Variants in CDH13 observed in about 807,000 individuals in gnomAD.
CDH13 encodes the protein cadherin-13.
Under a neutral mutation model 63.8 loss-of-function variants are expected in CDH13, and 24 were observed. That is an observed-to-expected ratio of 0.38 (90% CI 0.27 to 0.53). The LOEUF is 0.53. Ranked by LOEUF, CDH13 falls within the 20% of genes least tolerant of loss-of-function variation. The pLI is 0.85. For missense variants in CDH13, 1,049 were observed against 903.1 expected, an observed-to-expected ratio of 1.16 and a Z score of -2.07; for synonymous variants, 503 against 355.3, an observed-to-expected ratio of 1.42 and a Z score of -4.67.
At chr16:83,305,256 A>G (rs1196146587) in intron 5 of CDH13, among the ~76,000 whole-genome samples, 7 of 152,136 alleles carry the variant, frequency 4.6e-5, no homozygotes, top group Non-Finnish European at 8.8e-5. Flanking sequence ...ACTTCACTTT[A>G]CTTAAGCATG....
Position 83,561,657 on chromosome 16 carries a change from AT to A in CDH13, c.961-40793del, listed in dbSNP as rs2075711544. Reference sequence around the variant, plus strand: ...AATGATCTTAAGCAGAATTTCCTTCATTTTCTTATTTCCAAAATTATACTAC... The same window carrying A: ...AATGATCTTAAGCAGAATTTCCTTCATTTCTTATTTCCAAAATTATACTAC... On this transcript the variant is annotated intron_variant, in intron 7 of 13. Transcript: ENST00000567109. Among the ~76,000 whole-genome samples the A allele has an allele frequency of 2.0e-5, 3 of 152,282 alleles. No individual in the cohort carries two copies. In the East Asian group the frequency reaches 5.8e-4, roughly 29 times the overall value.
At chr16:82,982,170 T>C (rs981661119) in intron 2 of CDH13, among the ~76,000 whole-genome samples, 12 of 152,190 alleles carry the variant, frequency 7.9e-5, no homozygotes, top group Non-Finnish European at 1.3e-4. Context: ...AATAATGCTT[T>C]GTAGGAAGGT....
intron 3 of CDH13, among the ~76,000 whole-genome samples, chr16:83,045,594 G>A (rs1441020778): frequency 1.1e-4 from 15 of 138,900 alleles, no homozygotes; most frequent in South Asian, 2.3e-4. Context: ...CCAAGATCAC[G>A]CCACTGCAGT....
At chr16:83,750,768 C>T (rs1392877995) in intron 11 of CDH13, among the ~76,000 whole-genome samples, 5 of 152,130 alleles carry the variant, frequency 3.3e-5, no homozygotes, top group African/African-American at 4.8e-5. Flanking sequence ...CCTCACATCC[C>T]TCAGCAGGAA....
At chr16:83,078,883 C>T (rs576855943) in intron 3 of CDH13, among the ~76,000 whole-genome samples, 2 of 152,296 alleles carry the variant, frequency 1.3e-5, no homozygotes, top group Admixed American at 6.5e-5. Flanking sequence ...CAACCTCCGC[C>T]TCCCAGGTTC....
chr16:83,662,460 G>A (rs900246149), intron 8 of CDH13, among the ~76,000 whole-genome samples: 1 of 152,178 alleles, frequency 6.6e-6, no homozygotes, highest in African/African-American at 2.4e-5. Flanking sequence ...TTCTTAAAAA[G>A]AATCTCTGTG....
intron 7 of CDH13, among the ~76,000 whole-genome samples, chr16:83,578,041 A>G (rs1905212175): frequency 1.3e-5 from 2 of 152,354 alleles, no homozygotes; most frequent in South Asian, 4.1e-4. Context: ...ATGTCATTAA[A>G]TATTCCCCTA....
rs869202510 is a variant in CDH13, at chr16:83,602,107, C to CAAAAA, written c.961-315_961-311dup. Among the ~76,000 whole-genome samples, 7 of 7,954 alleles carry CAAAAA rather than the reference C, an allele frequency of 8.8e-4. 2 individuals are homozygous for CAAAAA. The highest frequency in any genetic ancestry group is 1.3e-3 in the Non-Finnish European group (7 of 5,366). 5.2% of individuals were successfully genotyped at this position (7,954 alleles called of 152,430 possible). A position where few individuals can be genotyped will look rare whatever the true frequency, so the allele number is the denominator to read the frequency against. ...CAAAAAAAAAAAAAAAGAACAACAA[C>CAAAAA]AAAAAAAAAAAAAAAAAAAAAAAAA... On this transcript the variant is annotated intron_variant, in intron 7 of 13. Transcript: ENST00000567109.
chr16:82,750,517 T>C (rs892351892), intron 1 of CDH13, among the ~76,000 whole-genome samples: 1 of 152,232 alleles, frequency 6.6e-6, no homozygotes, highest in Non-Finnish European at 1.5e-5. Context: ...TGAATGTTAG[T>C]ACCAGACTAA....
At chr16:82,627,362 G>GTGTT (rs1907436610) in intron 1 of CDH13, among the ~76,000 whole-genome samples, 1 of 151,852 alleles carries the variant, frequency 6.6e-6, no homozygotes, top group African/African-American at 2.4e-5. Flanking sequence ...GTGTGTGTGT[G>GTGTT]TGTGTGTGTG....
intron 3 of CDH13, among the ~76,000 whole-genome samples, chr16:83,123,169 T>C (rs1046723178): frequency 6.6e-6 from 1 of 152,132 alleles, no homozygotes; most frequent in Admixed American, 6.6e-5. Context: ...TATGTGTGTG[T>C]GTATATATGT....
chr16:83,717,542 G>T (rs1481584145), intron 10 of CDH13, among the ~76,000 whole-genome samples: 1 of 152,242 alleles, frequency 6.6e-6, no homozygotes, highest in African/African-American at 2.4e-5. Flanking sequence ...AACAGGTAGT[G>T]ACATGAAATG....
At chr16:82,669,419 G>A (rs1912978687) in intron 1 of CDH13, among the ~76,000 whole-genome samples, 1 of 152,194 alleles carries the variant, frequency 6.6e-6, no homozygotes, top group Non-Finnish European at 1.5e-5. Context: ...AGAGAAAATA[G>A]TGGGTCTTTT....
intron 5 of CDH13, among the ~76,000 whole-genome samples, chr16:83,274,419 C>G (rs951825943): frequency 6.6e-6 from 1 of 152,162 alleles, no homozygotes; most frequent in Non-Finnish European, 1.5e-5. Flanking sequence ...TGATCCCTTG[C>G]CTCCCTCACC....
intron 1 of CDH13, among the ~76,000 whole-genome samples, chr16:82,798,099 T>G (rs113976591): frequency 2.6e-5 from 4 of 152,324 alleles, no homozygotes; most frequent in African/African-American, 9.6e-5. Context: ...CAATTGCAGA[T>G]GCAGTGTCTG....
intron 7 of CDH13, among the ~76,000 whole-genome samples, chr16:83,523,662 C>T (rs114860620): frequency 5.4e-4 from 83 of 152,314 alleles, no homozygotes; most frequent in African/African-American, 1.9e-3. Flanking sequence ...AGTTCCCTGG[C>T]AGCTGGCTTG....
intron 4 of CDH13, 121 bp from the exon 5 acceptor site, chr16:83,217,224 T>C: frequency 1.1e-6 from 1 of 892,442 alleles, no homozygotes; most frequent in Non-Finnish European, 1.8e-6. Context: ...CAAATCTGTG[T>C]TCACCAGGTA....
intron 1 of CDH13, among the ~76,000 whole-genome samples, chr16:82,716,594 T>C (rs1471444408): frequency 6.7e-6 from 1 of 148,696 alleles, no homozygotes; most frequent in Admixed American, 6.8e-5. Flanking sequence ...AAAGACTTCA[T>C]ACTAGATTAA....
chr16:83,055,495 A>G, intron 3 of CDH13, among the ~76,000 whole-genome samples: 2 of 152,104 alleles, frequency 1.3e-5, no homozygotes, highest in Middle Eastern at 6.8e-3. Flanking sequence ...ATAAAAATTA[A>G]TTTGAAAATT....
Sources: allele counts gnomAD v4.1 joint callset (sites outside exome capture counted in the v4.1 genomes callset), GRCh38; gene constraint gnomAD v4.1.1; transcripts MANE v1.5; gene names NCBI Gene and HGNC (gene_info 2026-07-23, HGNC 2026-07-21).